Variants in RAI1 observed in about 807,000 individuals in gnomAD.
RAI1 encodes the protein retinoic acid-induced protein 1.
A neutral mutation model predicts 123.8 loss-of-function variants in RAI1; 9 were observed. That is an observed-to-expected ratio of 0.07 (90% CI 0.04 to 0.13). The LOEUF is 0.13. Ranked by LOEUF, RAI1 falls within the 10% of genes least tolerant of loss-of-function variation. RAI1 has a pLI of 1.00. For missense variants in RAI1, 2,256 were observed against 2,545.8 expected, an observed-to-expected ratio of 0.89 and a Z score of 2.45; for synonymous variants, 1,231 against 1,127.3, an observed-to-expected ratio of 1.09 and a Z score of -1.84.
intron 1 of RAI1, among the ~76,000 whole-genome samples, chr17:17,693,167 A>C (rs375611782): frequency 5.9e-5 from 9 of 152,286 alleles, no homozygotes; most frequent in African/African-American, 2.2e-4. Flanking sequence ...CCACCATGTG[A>C]CGCCCCCGTG....
At chr17:17,732,035 T>C (rs985966819) in intron 2 of RAI1, among the ~76,000 whole-genome samples, 3 of 151,822 alleles carry the variant, frequency 2.0e-5, no homozygotes, top group African/African-American at 7.3e-5. Flanking sequence ...GGAACCATCG[T>C]GTTCAGAGCT....
chr17:17,802,769 C>A (rs2032501947), intron 3 of RAI1, among the ~76,000 whole-genome samples: 1 of 150,944 alleles, frequency 6.6e-6, no homozygotes, highest in South Asian at 2.1e-4. Flanking sequence ...GAGCAAGACT[C>A]CATCTCAAAA....
rs1051710129 is a variant in RAI1, at chr17:17,681,628, C to A, written c.-314C>A. 4 of 206,974 alleles carry A rather than the reference C, an allele frequency of 1.9e-5. No individual in the cohort carries two copies. The highest frequency in any genetic ancestry group is 2.8e-5 in the Non-Finnish European group (3 of 105,680). The allele number at this position is 206,974 out of a possible 1,614,324, so 12.8% of individuals were successfully genotyped here. A position where few individuals can be genotyped will look rare whatever the true frequency, so the allele number is the denominator to read the frequency against. On this transcript the variant is annotated 5_prime_UTR_variant, in exon 1 of 6. Coordinates refer to ENST00000353383, the MANE Select transcript of RAI1 (RefSeq NM_030665.4). ...CGAGCCGAGCAGGCCGCCCTGCCCG[C>A]GGCCCTAGCGCCGGCGCGAGGAGGG... is the stretch of plus-strand genomic sequence containing the variant.
chr17:17,726,650 T>C (rs1041803989), intron 2 of RAI1, among the ~76,000 whole-genome samples: 1 of 152,222 alleles, frequency 6.6e-6, no homozygotes, highest in Non-Finnish European at 1.5e-5. Flanking sequence ...AGTTTCTCAA[T>C]TGGAAGCATC....
At chr17:17,736,231 C>T (rs1297506157) in intron 2 of RAI1, among the ~76,000 whole-genome samples, 1 of 152,162 alleles carries the variant, frequency 6.6e-6, no homozygotes, top group Non-Finnish European at 1.5e-5. Flanking sequence ...CTGAGACCCC[C>T]ACCGCCTCTG....
intron 1 of RAI1, among the ~76,000 whole-genome samples, chr17:17,692,968 G>A (rs912223559): frequency 6.6e-6 from 1 of 152,206 alleles, no homozygotes; most frequent in Non-Finnish European, 1.5e-5. Flanking sequence ...AGGGGAGAGA[G>A]GGCAGACTCC....
rs750872928 is a variant in RAI1, at chr17:17,798,212, C to A, written c.5264C>A (p.Pro1755His). 8.1e-6 allele frequency: 13 copies of A among 1,612,416 alleles called. No homozygotes were observed. The South Asian group carries it at 1.4e-4, about 18-fold the overall frequency. ...CAAAATAGKP[P>H]RPDGPADPAK... ...GCTGCCGCCACTGCCGGGAAGCCCC[C>A]CAGGCCTGACGGCCCAGCTGACCCG... is the stretch of plus-strand genomic sequence containing the variant. Residue 1755 changes from proline (P) to histidine (H), a missense_variant, in exon 3 of 6, where the codon CCC becomes CAC. Transcript: ENST00000353383.
chr17:17,686,711 G>A (rs1914653462), intron 1 of RAI1, among the ~76,000 whole-genome samples: 1 of 151,708 alleles, frequency 6.6e-6, no homozygotes, highest in Non-Finnish European at 1.5e-5. Context: ...CAGGGACAGG[G>A]AGAGATGGAA....
At position 17,787,153 on chromosome 17, in the gene RAI1, T is replaced by C. The variant is rs546239649; in HGVS notation, c.-16-5780T>C. The stretch of plus-strand genomic sequence containing the variant: ...CTCCTGGGGCTTGGGGTGGGGAGAA[T>C]GGAGCTGGCTGGGAGCACCTCTGTG... On this transcript the variant is annotated intron_variant, in intron 2 of 5. Coordinates refer to ENST00000353383, the MANE Select transcript of RAI1 (RefSeq NM_030665.4). 1.8e-3 allele frequency among the ~76,000 whole-genome samples: 277 copies of C among 152,280 alleles called. 3 individuals are homozygous for C. Among genetic ancestry groups the C allele is most frequent in the African/African-American group, 6.4e-3 (266 of 41,560 alleles).
At chr17:17,756,454 C>G (rs553622958) in intron 2 of RAI1, among the ~76,000 whole-genome samples, 1 of 152,142 alleles carries the variant, frequency 6.6e-6, no homozygotes, top group Non-Finnish European at 1.5e-5. Flanking sequence ...GCCTCTGCCT[C>G]CCAAAGTGCT....
chr17:17,778,774 C>A (rs1050054107), intron 2 of RAI1: 14 of 456,646 alleles, frequency 3.1e-5, no homozygotes, highest in Non-Finnish European at 5.7e-5. Context: ...CTACAACTTT[C>A]CAGAACACAG....
intron 1 of RAI1, among the ~76,000 whole-genome samples, chr17:17,695,778 TC>T (rs1330222980): frequency 3.3e-5 from 5 of 152,060 alleles, no homozygotes; most frequent in Admixed American, 6.5e-5. Flanking sequence ...CACCTTCGCC[TC>T]CCTAAGTACT....
At chr17:17,735,996 G>A (rs781131270) in intron 2 of RAI1, among the ~76,000 whole-genome samples, 24 of 152,276 alleles carry the variant, frequency 1.6e-4, no homozygotes, top group Non-Finnish European at 2.5e-4. Flanking sequence ...GGACTTGTTT[G>A]TGTATCTGTG....
chr17:17,755,591 C>T (rs1429445098), intron 2 of RAI1, among the ~76,000 whole-genome samples: 1 of 152,162 alleles, frequency 6.6e-6, no homozygotes, highest in Non-Finnish European at 1.5e-5. Flanking sequence ...GACCCTTAGT[C>T]CCTCCAAGGA....
chr17:17,739,610 CCAGA>C (rs1916551499), intron 2 of RAI1, among the ~76,000 whole-genome samples: 1 of 152,214 alleles, frequency 6.6e-6, no homozygotes, highest in Non-Finnish European at 1.5e-5. Context: ...TGTCTCAGCT[CCAGA>C]CACCGCATCC....
At position 17,809,528 on chromosome 17, in the gene RAI1, C is replaced by A; in HGVS notation, c.5709+89C>A. 1 of 1,397,002 alleles carries A rather than the reference C, an allele frequency of 7.2e-7. No individual in the cohort carries two copies. Among genetic ancestry groups the A allele is most frequent in the South Asian group, 1.2e-5 (1 of 86,666 alleles). The allele number at this position is 1,397,002 out of a possible 1,614,324, so 86.5% of individuals were successfully genotyped here. A position where few individuals can be genotyped will look rare whatever the true frequency, so the allele number is the denominator to read the frequency against. Reference sequence around the variant, plus strand: ...CCTCCTTCACAGTCCCCTGGGCCCCCTTGGCTGCGCAGCCCCGCAGGGCCC... The same window carrying A: ...CCTCCTTCACAGTCCCCTGGGCCCCATTGGCTGCGCAGCCCCGCAGGGCCC... On this transcript the variant is annotated intron_variant, in intron 5 of 5. Transcript: ENST00000353383. This position sits in a 1 kb window ranked among gnomAD's most constrained non-coding sequence, Gnocchi z 4.9.
At chr17:17,722,796 T>C (rs1915927858) in intron 1 of RAI1, among the ~76,000 whole-genome samples, 1 of 152,152 alleles carries the variant, frequency 6.6e-6, no homozygotes, top group South Asian at 2.1e-4. Context: ...GCGTCTCTGA[T>C]GCGGCTAGGG....
chr17:17,804,716 G>A (rs1045070599), intron 4 of RAI1, among the ~76,000 whole-genome samples: 1 of 152,138 alleles, frequency 6.6e-6, no homozygotes, highest in Admixed American at 6.5e-5. Flanking sequence ...CTAGAGTGCA[G>A]GGGTGCAGTC....
chr17:17,759,468 C>T (rs571012647), intron 2 of RAI1: 1 of 152,328 alleles, frequency 6.6e-6, no homozygotes, highest in South Asian at 2.1e-4. Context: ...CCTGCAGTCT[C>T]ACCCCACCAC....
Sources: allele counts gnomAD v4.1 joint callset (sites outside exome capture counted in the v4.1 genomes callset), GRCh38; gene constraint gnomAD v4.1.1; non-coding constraint Gnocchi (gnomAD v3.1); transcripts MANE v1.5; gene names NCBI Gene and HGNC (gene_info 2026-07-23, HGNC 2026-07-21).